The following TTC7B variants were observed in gnomAD, a reference collection of about 807,000 sequenced individuals.
The protein encoded by TTC7B is tetratricopeptide repeat domain 7B.
Under a neutral mutation model 106.8 loss-of-function variants are expected in TTC7B, and 28 were observed. The observed-to-expected ratio is 0.26, with a 90% CI of 0.19 to 0.36. TTC7B has a LOEUF of 0.36. TTC7B is among the 10% of genes least tolerant of loss of function. The pLI is 1.00. For synonymous variants in TTC7B, 405 were observed against 430.6 expected (o/e 0.94, Z 0.74); for missense variants, 862 against 1,076.4 (o/e 0.80, Z 2.79).
In TTC7B at chr14:90,813,821, C is replaced by T. The variant is rs77402955; in HGVS notation, c.121+2354G>A. Among the ~76,000 whole-genome samples, 330 of 152,190 alleles carry T rather than the reference C, an allele frequency of 2.2e-3. 4 individuals carry two copies. The highest frequency in any genetic ancestry group is 0.01 in the Middle Eastern group (3 of 294). On this transcript the variant is annotated intron_variant, in intron 1 of 19. Coordinates refer to ENST00000328459, the MANE Select transcript of TTC7B (RefSeq NM_001010854.2). ...TGCCCAGAACTTGTGCTCATGCACC[C>T]GAGAATCTATGGGGGAGCCGGTGCC...
intron 19 of TTC7B, among the ~76,000 whole-genome samples, chr14:90,551,483 G>A (rs61986995): frequency 0.044 from 6,646 of 152,162 alleles, 198 homozygotes; most frequent in Middle Eastern, 0.068. Context: ...TGGTCTGGCC[G>A]TCTGCATTCG....
At chr14:90,775,313 T>C (rs1271878282) in intron 3 of TTC7B, among the ~76,000 whole-genome samples, 3 of 152,214 alleles carry the variant, frequency 2.0e-5, no homozygotes, top group Non-Finnish European at 4.4e-5. Flanking sequence ...TTTACATGTA[T>C]TCACCCATTC....
chr14:90,657,072 A>C lies in TTC7B; in HGVS notation c.1341+102T>G. On this transcript the variant is annotated intron_variant, in intron 11 of 19. Coordinates refer to ENST00000328459, the MANE Select transcript of TTC7B (RefSeq NM_001010854.2). The surrounding 1 kb of genome is among the most constrained non-coding windows in gnomAD (Gnocchi z 4.2). ...ACACAGTCTTGTCTTTGTACAGCTGATGAATCACCCTCGCTTTCTCTCTGT... is the reference window on the plus strand; with the variant it reads ...ACACAGTCTTGTCTTTGTACAGCTGCTGAATCACCCTCGCTTTCTCTCTGT... 9.7e-7 allele frequency: 1 copy of C among 1,027,078 alleles called. No homozygotes were observed. The highest frequency in any genetic ancestry group is 1.4e-6 in the Non-Finnish European group (1 of 691,432). 63.6% of individuals were successfully genotyped at this position (1,027,078 alleles called of 1,614,324 possible).
chr14:90,740,196 G>A (rs537182580), intron 4 of TTC7B, among the ~76,000 whole-genome samples: 5 of 152,136 alleles, frequency 3.3e-5, no homozygotes, highest in Non-Finnish European at 7.3e-5. Context: ...CCGCCTCTGG[G>A]TCTGGAACTA....
chr14:90,728,667 T>C (rs927207931), intron 5 of TTC7B, among the ~76,000 whole-genome samples: 5 of 152,170 alleles, frequency 3.3e-5, no homozygotes, highest in African/African-American at 7.2e-5. Context: ...GCTTCAAAGA[T>C]GCAAATAAAT....
At chr14:90,658,567 C>T (rs564009418) in intron 9 of TTC7B, among the ~76,000 whole-genome samples, 180 bp from the exon 10 acceptor site, 1 of 152,232 alleles carries the variant, frequency 6.6e-6, no homozygotes, top group Non-Finnish European at 1.5e-5. Flanking sequence ...GGATGATGCA[C>T]CATGCCGGTG....
chr14:90,786,740 C>T lies in TTC7B; in HGVS notation c.122-412G>A, dbSNP rs938445649. Among the ~76,000 whole-genome samples, 5 of 152,074 alleles carry T rather than the reference C, an allele frequency of 3.3e-5. No homozygotes were observed. The South Asian group carries it at 6.2e-4, about 19-fold the overall frequency. ...GATTACAGGCACCTGCCATCACGCC[C>T]GACTACTTTTTTGTGTTTTTAGTAA... On this transcript the variant is annotated intron_variant, in intron 1 of 19. Coordinates refer to ENST00000328459, the MANE Select transcript of TTC7B (RefSeq NM_001010854.2).
chr14:90,758,896 G>A (rs534883432), intron 3 of TTC7B, among the ~76,000 whole-genome samples: 11 of 152,336 alleles, frequency 7.2e-5, no homozygotes, highest in African/African-American at 2.6e-4. Context: ...TGAGGATAAA[G>A]GGAGGTAAGG....
intron 19 of TTC7B, among the ~76,000 whole-genome samples, chr14:90,566,304 A>G (rs1182894730): frequency 6.6e-6 from 1 of 152,076 alleles, no homozygotes; most frequent in East Asian, 1.9e-4. Flanking sequence ...AGATCGCACC[A>G]CTGTACTCCA....
chr14:90,616,671 G>A (rs887340232), intron 16 of TTC7B, among the ~76,000 whole-genome samples: 1 of 152,206 alleles, frequency 6.6e-6, no homozygotes, highest in Non-Finnish European at 1.5e-5. Flanking sequence ...CCCCTTAACA[G>A]GGCCCTGACT....
At chr14:90,778,481 C>G (rs1188315759) in intron 3 of TTC7B, among the ~76,000 whole-genome samples, 1 of 152,212 alleles carries the variant, frequency 6.6e-6, no homozygotes, top group African/African-American at 2.4e-5. Context: ...CCACCTCCCA[C>G]CCCCAAATAG....
intron 9 of TTC7B, among the ~76,000 whole-genome samples, chr14:90,668,589 A>G (rs1033065912): frequency 2.6e-5 from 4 of 152,198 alleles, no homozygotes; most frequent in Admixed American, 1.3e-4. Flanking sequence ...AGTAACATAC[A>G]TTATCTCTTT....
chr14:90,804,216 C>T (rs561694385), intron 1 of TTC7B, among the ~76,000 whole-genome samples: 16 of 152,182 alleles, frequency 1.1e-4, no homozygotes, highest in African/African-American at 3.6e-4. Flanking sequence ...CGCCTGTAGT[C>T]CCAGCTACTC....
At chr14:90,671,090 C>T (rs1204678765) in intron 9 of TTC7B, among the ~76,000 whole-genome samples, 1 of 152,124 alleles carries the variant, frequency 6.6e-6, no homozygotes, top group African/African-American at 2.4e-5. Flanking sequence ...CCACTGATAC[C>T]TTCTAGAAAC....
Position 90,532,599 on chromosome 14 carries a change from T to TC in TTC7B, c.*8768dup, listed in dbSNP as rs1414761007. On this transcript the variant is annotated 3_prime_UTR_variant, in exon 20 of 20. Coordinates refer to ENST00000328459, the MANE Select transcript of TTC7B (RefSeq NM_001010854.2). The stretch of plus-strand genomic sequence containing the variant: ...CCGACCAGCCAATCTAAAGTAACCC[T>TC]CCCCCTGTCACTTCAAATTTGCTCT... 3 of 152,192 alleles carry TC rather than the reference T, an allele frequency of 2.0e-5. No individual in the cohort carries two copies. The highest frequency in any genetic ancestry group is 2.0e-4 in the Admixed American group (3 of 15,270). 9.4% of individuals were successfully genotyped at this position (152,192 alleles called of 1,614,324 possible).
chr14:90,816,364 G>T lies in TTC7B; in HGVS notation c.-69C>A. 3.5e-6 allele frequency: 3 copies of T among 858,492 alleles called. No homozygotes were observed. The highest frequency in any genetic ancestry group is 4.2e-6 in the Non-Finnish European group (3 of 717,678). The allele number at this position is 858,492 out of a possible 1,614,324, so 53.2% of individuals were successfully genotyped here. A position where few individuals can be genotyped will look rare whatever the true frequency, so the allele number is the denominator to read the frequency against. Reference sequence around the variant, plus strand: ...GCCGCCGCCGCGGCGCCCCCTCGCCGCCTCCCGCCGCCGCCGCGGGCTCGG... The same window carrying T: ...GCCGCCGCCGCGGCGCCCCCTCGCCTCCTCCCGCCGCCGCCGCGGGCTCGG... On this transcript the variant is annotated 5_prime_UTR_variant, in exon 1 of 20. Coordinates refer to ENST00000328459, the MANE Select transcript of TTC7B (RefSeq NM_001010854.2).
At chr14:90,754,638 G>T (rs1394528120) in intron 3 of TTC7B, among the ~76,000 whole-genome samples, 1 of 152,120 alleles carries the variant, frequency 6.6e-6, no homozygotes, top group African/African-American at 2.4e-5. Context: ...GTACAGTTCG[G>T]TGGTTTTAGT....
At chr14:90,653,720 A>T (rs758319678) in intron 12 of TTC7B, among the ~76,000 whole-genome samples, 2 of 152,228 alleles carry the variant, frequency 1.3e-5, no homozygotes, top group Non-Finnish European at 1.5e-5. Context: ...AAAGGCTGCC[A>T]GGGGGTCAAT....
chr14:90,542,495 A>G (rs1403471529), intron 19 of TTC7B, among the ~76,000 whole-genome samples: 1 of 152,152 alleles, frequency 6.6e-6, no homozygotes, highest in East Asian at 1.9e-4. Flanking sequence ...TCGCTCATCC[A>G]ATGGACACTC....
Sources: allele counts gnomAD v4.1 joint callset (sites outside exome capture counted in the v4.1 genomes callset), GRCh38; gene constraint gnomAD v4.1.1; non-coding constraint Gnocchi (gnomAD v3.1); transcripts MANE v1.5; gene names NCBI Gene and HGNC (gene_info 2026-07-23, HGNC 2026-07-21).